Variants in ST6GALNAC3 observed in about 807,000 individuals in gnomAD.
The protein encoded by ST6GALNAC3 is alpha-N-acetylgalactosaminide alpha-2,6-sialyltransferase 3.
ST6GALNAC3 carries 25 observed loss-of-function variants against 32.7 expected under a neutral mutation model. That is an observed-to-expected ratio of 0.76 (90% CI 0.56 to 1.07). The LOEUF is 1.07. Among genes scored for constraint, ST6GALNAC3 ranks in the 50% least tolerant of loss-of-function variants. ST6GALNAC3 has a pLI of 0.00. For missense variants in ST6GALNAC3, 355 were observed against 382.4 expected (o/e 0.93, Z 0.60); for synonymous variants, 129 against 133.1 (o/e 0.97, Z 0.21).
chr1:76,356,103 G>T (rs1649419673), intron 2 of ST6GALNAC3, among the ~76,000 whole-genome samples: 2 of 152,090 alleles, frequency 1.3e-5, no homozygotes, highest in South Asian at 4.2e-4. Flanking sequence ...GTTCTTGCCA[G>T]TAGCTCCTAT....
intron 3 of ST6GALNAC3, among the ~76,000 whole-genome samples, chr1:76,532,080 C>A (rs570082503): frequency 8.5e-4 from 129 of 152,172 alleles, no homozygotes; most frequent in African/African-American, 3.0e-3. Flanking sequence ...CATATCTGAC[C>A]CCAAATTATA....
At chr1:76,259,557 T>C (rs1218100646) in intron 1 of ST6GALNAC3, among the ~76,000 whole-genome samples, 1 of 152,178 alleles carries the variant, frequency 6.6e-6, no homozygotes, top group Non-Finnish European at 1.5e-5. Context: ...AGTTAAGCCC[T>C]TCTCTCTGTT....
At chr1:76,613,926 T>G (rs1648106584) in intron 3 of ST6GALNAC3, among the ~76,000 whole-genome samples, 1 of 152,350 alleles carries the variant, frequency 6.6e-6, no homozygotes, top group South Asian at 2.1e-4. Context: ...GAACTTCAAG[T>G]GGTGATTTGG....
chr1:76,423,731 T>C (rs2101392314), intron 3 of ST6GALNAC3, among the ~76,000 whole-genome samples: 2 of 152,172 alleles, frequency 1.3e-5, no homozygotes, highest in South Asian at 4.1e-4. Context: ...AATAACATTC[T>C]TCTGACGTGA....
chr1:76,184,519 G>GCACACA (rs71071992), intron 1 of ST6GALNAC3, among the ~76,000 whole-genome samples: 16,487 of 133,686 alleles, frequency 0.12, 1,183 homozygotes, highest in Non-Finnish European at 0.15. Context: ...CTCCTGGGCA[G>GCACACA]CACACACACA....
intron 1 of ST6GALNAC3, among the ~76,000 whole-genome samples, chr1:76,141,849 C>T (rs1650346395): frequency 6.6e-6 from 1 of 152,182 alleles, no homozygotes; most frequent in South Asian, 2.1e-4. Context: ...CCCATTTCTA[C>T]ACTGCCCTAG....
chr1:76,127,397 A>G (rs1649323785), intron 1 of ST6GALNAC3, among the ~76,000 whole-genome samples: 1 of 152,236 alleles, frequency 6.6e-6, no homozygotes, highest in Admixed American at 6.5e-5. Flanking sequence ...GGTGCATGGT[A>G]GGAAGCATGG....
chr1:76,219,218 G>A (rs146293339), intron 1 of ST6GALNAC3, among the ~76,000 whole-genome samples: 2 of 152,296 alleles, frequency 1.3e-5, no homozygotes, highest in East Asian at 3.9e-4. Context: ...TATAACATAT[G>A]CTCACACAGG....
At chr1:76,246,745 C>T (rs1021232617) in intron 1 of ST6GALNAC3, among the ~76,000 whole-genome samples, 5 of 152,128 alleles carry the variant, frequency 3.3e-5, no homozygotes, top group African/African-American at 4.8e-5. Flanking sequence ...GCATTGGGTT[C>T]GAACATGCTC....
At chr1:76,592,786 A>G (rs989055525) in intron 3 of ST6GALNAC3, among the ~76,000 whole-genome samples, 1 of 152,156 alleles carries the variant, frequency 6.6e-6, no homozygotes, top group Non-Finnish European at 1.5e-5. Flanking sequence ...CCTTTTCAGG[A>G]CAAGAAAACC....
At chr1:76,366,513 T>C (rs1048447355) in intron 2 of ST6GALNAC3, among the ~76,000 whole-genome samples, 3 of 152,250 alleles carry the variant, frequency 2.0e-5, no homozygotes, top group East Asian at 3.8e-4. Flanking sequence ...ATCTTTCTCT[T>C]ATTTTGAACA....
intron 1 of ST6GALNAC3, among the ~76,000 whole-genome samples, chr1:76,171,547 C>T (rs116340250): frequency 8.7e-5 from 13 of 148,596 alleles, no homozygotes; most frequent in African/African-American, 3.2e-4. Context: ...ATTAGCTAGA[C>T]TAATAAGGAA....
intron 1 of ST6GALNAC3, among the ~76,000 whole-genome samples, chr1:76,150,746 A>G (rs1466292362): frequency 6.6e-6 from 1 of 152,218 alleles, no homozygotes; most frequent in Non-Finnish European, 1.5e-5. Flanking sequence ...GTGGATGATG[A>G]CAATTACAGC....
At chr1:76,352,250 A>G (rs895297182) in intron 2 of ST6GALNAC3, among the ~76,000 whole-genome samples, 5 of 152,254 alleles carry the variant, frequency 3.3e-5, no homozygotes, top group African/African-American at 1.2e-4. Context: ...TTATTGTTTC[A>G]ACACTGAAAT....
intron 2 of ST6GALNAC3, among the ~76,000 whole-genome samples, chr1:76,358,260 A>G (rs1440657885): frequency 6.6e-6 from 1 of 152,166 alleles, no homozygotes; most frequent in Non-Finnish European, 1.5e-5. Flanking sequence ...ACAAAAGCAT[A>G]CATTCAACCC....
intron 3 of ST6GALNAC3, among the ~76,000 whole-genome samples, chr1:76,496,538 C>G (rs1031643980): frequency 6.6e-6 from 1 of 152,148 alleles, no homozygotes; most frequent in Non-Finnish European, 1.5e-5. Flanking sequence ...CACTTGGAGC[C>G]ATCCTGGACA....
chr1:76,601,163 A>C (rs533832620), intron 3 of ST6GALNAC3, among the ~76,000 whole-genome samples: 4 of 152,142 alleles, frequency 2.6e-5, no homozygotes, highest in Non-Finnish European at 5.9e-5. Flanking sequence ...ATGCCACTGC[A>C]CTCCAGTCAG....
chr1:76,108,213 T>C (rs441806), intron 1 of ST6GALNAC3, among the ~76,000 whole-genome samples: 93,660 of 151,624 alleles, frequency 0.62, 29,529 homozygotes, highest in African/African-American at 0.71. Flanking sequence ...AGCTGTTCTC[T>C]CTGAGTGCAT....
chr1:76,346,816 A>C (rs1648557342), intron 2 of ST6GALNAC3, among the ~76,000 whole-genome samples: 3 of 152,194 alleles, frequency 2.0e-5, no homozygotes. Flanking sequence ...AAATTAAATA[A>C]GGGAATGTAT....
Sources: gnomAD v4.1 joint callset for allele counts (sites outside exome capture counted in the v4.1 genomes callset) on GRCh38, gnomAD v4.1.1 for gene constraint, MANE v1.5 for transcripts, NCBI Gene and HGNC (gene_info 2026-07-23, HGNC 2026-07-21) for gene names.